The following PLEKHA5 variants were observed in gnomAD, a reference collection of about 807,000 sequenced individuals.
The protein encoded by PLEKHA5 is pleckstrin homology domain containing A5.
A neutral mutation model predicts 181.9 loss-of-function variants in PLEKHA5; 55 were observed. The observed-to-expected ratio is 0.30, with a 90% CI of 0.24 to 0.38. The LOEUF is 0.38. PLEKHA5 is among the 10% of genes least tolerant of loss of function. The probability of loss-of-function intolerance (pLI) is 1.00; values close to 1 mark genes in which losing one functional copy is unlikely to be tolerated. For synonymous variants in PLEKHA5, 535 were observed against 529.4 expected, an observed-to-expected ratio of 1.01 and a Z score of -0.15; for missense variants, 1,432 against 1,549.5, an observed-to-expected ratio of 0.92 and a Z score of 1.27.
At chr12:19,275,222 G>T (rs906134889) in intron 11 of PLEKHA5, among the ~76,000 whole-genome samples, 5 of 152,140 alleles carry the variant, frequency 3.3e-5, no homozygotes, top group African/African-American at 9.7e-5. Context: ...CACAAGGAAA[G>T]GCTTGGGTTA....
intron 28 of PLEKHA5, among the ~76,000 whole-genome samples, chr12:19,359,914 C>G (rs937228388): frequency 6.6e-6 from 1 of 151,142 alleles, no homozygotes; most frequent in Middle Eastern, 3.5e-3. Context: ...TGCAGTGAGC[C>G]GAGATCGCGC....
intron 21 of PLEKHA5, among the ~76,000 whole-genome samples, chr12:19,342,733 T>C (rs563311074): frequency 2.2e-4 from 33 of 152,000 alleles, no homozygotes; most frequent in African/African-American, 7.5e-4. Context: ...ACTGAGAGCT[T>C]GCCACTGCAC....
intron 3 of PLEKHA5, among the ~76,000 whole-genome samples, chr12:19,143,567 A>C (rs1318688369): frequency 6.6e-6 from 1 of 152,188 alleles, no homozygotes; most frequent in East Asian, 1.9e-4. Context: ...TATTATGCAT[A>C]TATAACACAT....
At chr12:19,187,747 G>A (rs908764236) in intron 3 of PLEKHA5, among the ~76,000 whole-genome samples, 10 of 152,150 alleles carry the variant, frequency 6.6e-5, no homozygotes, top group African/African-American at 2.4e-4. Flanking sequence ...GAAAAGAATG[G>A]TAATTGAGAT....
At position 19,358,332 on chromosome 12, in the gene PLEKHA5, G is replaced by A. The variant is rs200187071; in HGVS notation, c.3243G>A (p.Ala1081=). The A allele has an allele frequency of 6.3e-5, 101 of 1,613,442 alleles. No individual in the cohort carries two copies. The highest frequency in any genetic ancestry group is 2.5e-4 in the South Asian group (23 of 91,058). Residue 1081 remains alanine, a synonymous_variant, in exon 27 of 32, where the codon GCG becomes GCA. Transcript: ENST00000429027. ...AAAGAATAAGAAGACATCAACAAGC[G>A]TGCCTGAGGGAGAAGAAAAAAGGGT... ...QMERIRRHQQ[A]CLREKKKGLN...
rs2091069720 is a variant in PLEKHA5, at chr12:19,322,302, T to C, written c.2218-8T>C. On this transcript the variant is annotated splice_region_variant and splice_polypyrimidine_tract_variant and intron_variant, in intron 18 of 31. Coordinates refer to ENST00000429027, the MANE Select transcript of PLEKHA5 (RefSeq NM_001256470.2). ...ATTGCTAACAAGACATCTTCTCTTA[T>C]AACCTAGGCCAAGTTAAGCCGATTA... is the stretch of plus-strand genomic sequence containing the variant. The C allele has an allele frequency of 2.5e-6, 4 of 1,604,908 alleles. No individual in the cohort carries two copies. The highest frequency in any genetic ancestry group is 3.4e-6 in the Non-Finnish European group (4 of 1,172,078).
intron 3 of PLEKHA5, among the ~76,000 whole-genome samples, chr12:19,189,289 A>G (rs1353826268): frequency 6.6e-6 from 1 of 152,226 alleles, no homozygotes; most frequent in Non-Finnish European, 1.5e-5. Flanking sequence ...AGTAGAAACA[A>G]GGAGAATAGT....
chr12:19,260,807 C>G lies in PLEKHA5; in HGVS notation c.538-142C>G, dbSNP rs577013404. The G allele has an allele frequency of 7.9e-4, 337 of 428,148 alleles. 6 individuals carry two copies. In the South Asian group the frequency reaches 0.015, roughly 19 times the overall value. The allele number at this position is 428,148 out of a possible 1,614,324, so 26.5% of individuals were successfully genotyped here. A position where few individuals can be genotyped will look rare whatever the true frequency, so the allele number is the denominator to read the frequency against. On this transcript the variant is annotated intron_variant, in intron 6 of 31. Transcript: ENST00000429027. ...CCCAGGAGGCAGAGGTTGCAGTGAGCAGAGGTTGCACCATTGCACTCCAGC... is the reference window on the plus strand; with the variant it reads ...CCCAGGAGGCAGAGGTTGCAGTGAGGAGAGGTTGCACCATTGCACTCCAGC...
intron 7 of PLEKHA5, among the ~76,000 whole-genome samples, chr12:19,264,975 A>G (rs1202607911): frequency 6.6e-6 from 1 of 152,238 alleles, no homozygotes; most frequent in Non-Finnish European, 1.5e-5. Flanking sequence ...ATGTGAATCT[A>G]TACTGTGTCA....
chr12:19,206,473 A>G (rs895537717), intron 3 of PLEKHA5, among the ~76,000 whole-genome samples: 6 of 152,086 alleles, frequency 3.9e-5, no homozygotes, highest in African/African-American at 1.2e-4. Context: ...TAAAATTACC[A>G]TATTTATTTC....
chr12:19,269,692 G>A (rs887220852), intron 8 of PLEKHA5, 78 bp from the exon 9 acceptor site: 5 of 646,048 alleles, frequency 7.7e-6, no homozygotes, highest in Non-Finnish European at 1.3e-5. Flanking sequence ...TCTATGTCAG[G>A]AATCACTTAC....
intron 3 of PLEKHA5, among the ~76,000 whole-genome samples, chr12:19,161,749 A>G (rs1393505283): frequency 2.0e-5 from 3 of 152,224 alleles, no homozygotes; most frequent in Non-Finnish European, 2.9e-5. Flanking sequence ...ATATTGAGAT[A>G]TAGATTGAGA....
intron 11 of PLEKHA5, among the ~76,000 whole-genome samples, chr12:19,280,227 T>C (rs1014844593): frequency 1.3e-5 from 2 of 151,806 alleles, no homozygotes; most frequent in Non-Finnish European, 2.9e-5. Flanking sequence ...TATTTTCTAG[T>C]TTTTGTAGAG....
chr12:19,364,548 CTAATGCCA>C (rs1331474111), intron 29 of PLEKHA5, among the ~76,000 whole-genome samples: 2 of 152,016 alleles, frequency 1.3e-5, no homozygotes, highest in Admixed American at 6.6e-5. Context: ...TTTGCTAGCC[CTAATGCCA>C]TAATGGATTT....
At chr12:19,160,370 C>T (rs1178049836) in intron 3 of PLEKHA5, among the ~76,000 whole-genome samples, 1 of 151,876 alleles carries the variant, frequency 6.6e-6, no homozygotes, top group African/African-American at 2.4e-5. Context: ...AAACCAAAAG[C>T]TTTTTAACTT....
chr12:19,287,609 A>T, intron 13 of PLEKHA5, 53 bp downstream of exon 13: 1 of 966,650 alleles, frequency 1.0e-6, no homozygotes, highest in Non-Finnish European at 1.6e-6. Flanking sequence ...GCTGCACAGG[A>T]AGGTACATAT....
chr12:19,254,462 A>G (rs1368043527), intron 4 of PLEKHA5, among the ~76,000 whole-genome samples: 1 of 152,218 alleles, frequency 6.6e-6, no homozygotes, highest in East Asian at 1.9e-4. Context: ...GAATAATCTC[A>G]TAATTCATTT....
chr12:19,309,349 A>C (rs2085482167), intron 15 of PLEKHA5, among the ~76,000 whole-genome samples: 1 of 151,894 alleles, frequency 6.6e-6, no homozygotes, highest in African/African-American at 2.4e-5. Context: ...ACCTATCCTG[A>C]GTCCATCTTA....
intron 15 of PLEKHA5, among the ~76,000 whole-genome samples, chr12:19,302,722 G>A (rs368963520): frequency 1.4e-4 from 21 of 151,834 alleles, no homozygotes; most frequent in South Asian, 8.3e-4. Context: ...TTTAGACCTG[G>A]TATCTAATAT....
Sources: allele counts gnomAD v4.1 joint callset (sites outside exome capture counted in the v4.1 genomes callset), GRCh38; gene constraint gnomAD v4.1.1; transcripts MANE v1.5; gene names NCBI Gene and HGNC (gene_info 2026-07-23, HGNC 2026-07-21).